The following PCDH12 variants were observed in gnomAD, a reference collection of about 807,000 sequenced individuals.
The protein encoded by PCDH12 is protocadherin 12, also known as protocadherin-12.
PCDH12 carries 45 observed loss-of-function variants against 70.9 expected under a neutral mutation model. That is an observed-to-expected ratio of 0.63 (90% CI 0.50 to 0.81). PCDH12 has a LOEUF of 0.81. PCDH12 is among the 40% of genes least tolerant of loss of function. The pLI, the probability that PCDH12 is intolerant of heterozygous loss-of-function variation, is 0.00. For missense variants in PCDH12, 1,370 were observed against 1,491.7 expected, an observed-to-expected ratio of 0.92 and a Z score of 1.34; for synonymous variants, 567 against 626.0, an observed-to-expected ratio of 0.91 and a Z score of 1.41.
intron 1 of PCDH12, among the ~76,000 whole-genome samples, chr5:141,953,532 C>T (rs908561240): frequency 1.3e-5 from 2 of 152,210 alleles, no homozygotes; most frequent in Non-Finnish European, 2.9e-5. Context: ...ACTCTATGTG[C>T]TGCTGGAAAG....
chr5:141,956,414 T>C lies in PCDH12; in HGVS notation c.1438A>G (p.Ile480Val). The C allele has an allele frequency of 8.1e-6, 13 of 1,614,226 alleles. No individual in the cohort carries two copies. Among genetic ancestry groups the C allele is most frequent in the Non-Finnish European group, 9.3e-6 (11 of 1,180,046 alleles). Residue 480 changes from isoleucine (I) to valine (V), a missense_variant, in exon 1 of 4, where the codon ATT becomes GTT. Transcript: ENST00000231484. ...TCTGCATCATGAGCCTTGATGGTAA[T>C]GAGGTGAAGAGAGGGTAAGTTGTTT... ...RENNLPSLHL[I>V]TIKAHDADLG... is the part of the protein sequence containing the mutation.
chr5:141,952,724 T>C (rs1753109336), intron 1 of PCDH12: 1 of 152,336 alleles, frequency 6.6e-6, no homozygotes, highest in East Asian at 1.9e-4. Flanking sequence ...TCATCTCTAA[T>C]AGGGGGCTAG....
Position 141,955,343 on chromosome 5 carries a change from C to T in PCDH12, c.2509G>A (p.Glu837Lys), listed in dbSNP as rs1314478063. The change falls in exon 1 of 4, where the codon GAG becomes AAG. Residue 837 changes from glutamate (E) to lysine (K), a missense_variant. Glu to Lys is a moderately conservative substitution (Grantham distance 56). Transcript: ENST00000231484. This position sits in a 1 kb window ranked among gnomAD's most constrained non-coding sequence, Gnocchi z 5.5. The stretch of plus-strand genomic sequence containing the variant: ...GTGTCTTGCAGCACCTCTCGGCTCT[C>T]CGCCGGTGCTCCCTGGTTGCCTTGA... The part of the protein sequence containing the change: ...RNQGNQGAPA[E>K]SREVLQDTVN... 5 of 1,614,178 alleles carry T rather than the reference C, an allele frequency of 3.1e-6. No individual in the cohort carries two copies. The highest frequency in any genetic ancestry group is 4.2e-6 in the Non-Finnish European group (5 of 1,180,028).
intron 2 of PCDH12, among the ~76,000 whole-genome samples, chr5:141,949,859 A>T (rs1243405857): frequency 1.3e-5 from 2 of 152,220 alleles, no homozygotes; most frequent in Admixed American, 6.5e-5. Flanking sequence ...AGAGCCTGGC[A>T]CATTGTAAGC....
intron 3 of PCDH12, 145 bp from the exon 4 acceptor site, chr5:141,945,950 A>C: frequency 1.4e-6 from 1 of 736,050 alleles, no homozygotes. Context: ...AGACGGGGAC[A>C]GGAAGGAAGA....
intron 1 of PCDH12, 59 bp downstream of exon 1, chr5:141,954,913 G>T: frequency 6.5e-7 from 1 of 1,546,984 alleles, no homozygotes; most frequent in Non-Finnish European, 8.7e-7. Context: ...GGGGGTGTCT[G>T]ATTCTGTTTC....
Position 141,957,458 on chromosome 5 carries a change from G to A in PCDH12, c.394C>T (p.Gln132Ter). The A allele has an allele frequency of 1.2e-6, 2 of 1,612,592 alleles. No individual in the cohort carries two copies. The highest frequency in any genetic ancestry group is 8.5e-7 in the Non-Finnish European group (1 of 1,179,224). Residue 132 changes from glutamine (Q) to a stop codon, truncating the protein, a stop_gained, in exon 1 of 4, where the codon CAG (glutamine) becomes TAG (stop). Coordinates refer to ENST00000231484, the MANE Select transcript of PCDH12 (RefSeq NM_016580.4). LOFTEE classifies it high-confidence loss of function. This position sits in a 1 kb window ranked among gnomAD's most constrained non-coding sequence, Gnocchi z 4.3. ...EIQVLDINDH[Q>*]PRFPKGEQEL... ...TGCTCGCCTTTGGGAAACCGTGGCT[G>A]GTGGTCATTGATGTCCAGCACTTGG...
chr5:141,955,139 C>T lies in PCDH12; in HGVS notation c.2713G>A (p.Ala905Thr), dbSNP rs147558478. 36 of 1,614,124 alleles carry T rather than the reference C, an allele frequency of 2.2e-5. No homozygotes were observed. The highest frequency in any genetic ancestry group is 3.0e-5 in the Non-Finnish European group (35 of 1,180,054). The stretch of plus-strand genomic sequence containing the variant: ...TGCCGTCTCAGGGTTGCAGAGGAGG[C>T]TGGTGGCCTCTGTGGGGCTTCCTCA... ...GSEEAPQRPP[A>T]SSATLRRQRH... Residue 905 changes from alanine (A) to threonine (T), a missense_variant, in exon 1 of 4, where the codon GCC becomes ACC. Transcript: ENST00000231484. The surrounding 1 kb of genome is among the most constrained non-coding windows in gnomAD (Gnocchi z 5.5).
rs774340463 is a variant in PCDH12 at position 141,957,747 on chromosome 5, T to G, written c.105A>C (p.Gln35His). Residue 35 changes from glutamine to histidine, a missense_variant, in exon 1 of 4, where the codon CAA becomes CAC. By Grantham distance (24) the Gln-to-His change is conservative. Transcript: ENST00000231484. The surrounding 1 kb of genome is among the most constrained non-coding windows in gnomAD (Gnocchi z 4.3). ...TACCAGATGGCACTTCCTCTGACAC[T>G]TGGTATTTCACCGTGAGAGTGGTCA... ...QEVTTLTVKYQVSEEVPSGTV... is the reference protein window; with the variant it reads ...QEVTTLTVKYHVSEEVPSGTV... 1.9e-6 allele frequency: 3 copies of G among 1,613,174 alleles called. No individual in the cohort carries two copies. The highest frequency in any genetic ancestry group is 2.5e-6 in the Non-Finnish European group (3 of 1,180,020).
In PCDH12 at chr5:141,949,589, A is replaced by G; in HGVS notation, c.2979-6T>C. 2 of 1,612,692 alleles carry G rather than the reference A, an allele frequency of 1.2e-6. No individual in the cohort carries two copies. The highest frequency in any genetic ancestry group is 8.5e-7 in the Non-Finnish European group (1 of 1,179,478). On this transcript the variant is annotated splice_region_variant and splice_polypyrimidine_tract_variant and intron_variant, in intron 2 of 3. Transcript: ENST00000231484. Reference sequence around the variant, plus strand: ...CTGTGTCTGGGATTGCACTCCTGCAAAAGAAACCAACCAGTCCATGGGTAG... The same window carrying G: ...CTGTGTCTGGGATTGCACTCCTGCAGAAGAAACCAACCAGTCCATGGGTAG...
In PCDH12 at chr5:141,951,552, T is replaced by C. The variant is rs1753082440; in HGVS notation, c.2919A>G (p.Gln973=). The change falls in exon 2 of 4, where the codon CAA becomes CAG. Residue 973 remains glutamine, a synonymous_variant. Coordinates refer to ENST00000231484, the MANE Select transcript of PCDH12 (RefSeq NM_016580.4). The stretch of plus-strand genomic sequence containing the variant: ...CTCGGTGGTTTGGTTTGGGCTGGAA[T>C]TGGCCCTGATGCAGCAAGGACAGCA... The part of the protein sequence containing the change: ...SQLLSLLHQG[Q]FQPKPNHRGN... 3 of 1,614,126 alleles carry C rather than the reference T, an allele frequency of 1.9e-6. No homozygotes were observed. Among genetic ancestry groups the C allele is most frequent in the South Asian group, 1.1e-5 (1 of 91,072 alleles).
Position 141,956,401 on chromosome 5 carries a change from GC to G in PCDH12, c.1450del (p.Ala484LeufsTer24). On this transcript the variant is annotated frameshift_variant, in exon 1 of 4. Transcript: ENST00000231484. LOFTEE classifies it high-confidence loss of function. ...LPSLHLITIK[A>X]HDADLGINGK... ...ATTAATGCCCAAGTCTGCATCATGAGCCTTGATGGTAATGAGGTGAAGAGAG... is the reference window on the plus strand; with the variant it reads ...ATTAATGCCCAAGTCTGCATCATGAGCTTGATGGTAATGAGGTGAAGAGAG... 2 of 1,614,256 alleles carry G rather than the reference GC, an allele frequency of 1.2e-6. No individual in the cohort carries two copies. Among genetic ancestry groups the G allele is most frequent in the Non-Finnish European group, 1.7e-6 (2 of 1,180,048 alleles).
chr5:141,951,403 T>C, intron 2 of PCDH12, 90 bp downstream of exon 2: 1 of 961,766 alleles, frequency 1.0e-6, no homozygotes, highest in Non-Finnish European at 1.7e-6. Context: ...GTCTGACTTG[T>C]GCTCACCCTT....
rs913204440 is a variant in PCDH12 at position 141,958,018 on chromosome 5, A to G, written c.-167T>C. The G allele has an allele frequency of 4.1e-6, 3 of 736,624 alleles. No homozygotes were observed. The African/African-American group carries it at 5.3e-5, about 13-fold the overall frequency. 45.6% of individuals were successfully genotyped at this position (736,624 alleles called of 1,614,324 possible). A position where few individuals can be genotyped will look rare whatever the true frequency, so the allele number is the denominator to read the frequency against. On this transcript the variant is annotated 5_prime_UTR_variant, in exon 1 of 4. Transcript: ENST00000231484. ...ATGATTATGAAACAAGCAGGACCCC[A>G]AGGCAAGGCCATCTTCATTGGAAGC...
rs767567681 is a variant in PCDH12, at chr5:141,955,225, C to T, written c.2627G>A (p.Arg876His). ...PEPQPATGQP[R>H]SRPLKVAGSP... is the part of the protein sequence containing the mutation. ...GCCTGCAACCTTCAGAGGCCTGGAA[C>T]GTGGCTGGCCTGTGGCAGGCTGGGG... The change falls in exon 1 of 4, where the codon CGT becomes CAT. Residue 876 changes from arginine to histidine, a missense_variant. Physicochemically the swap from Arg to His is conservative, Grantham distance 29. Coordinates refer to ENST00000231484, the MANE Select transcript of PCDH12 (RefSeq NM_016580.4). This position sits in a 1 kb window ranked among gnomAD's most constrained non-coding sequence, Gnocchi z 5.5. 4.2e-5 allele frequency: 68 copies of T among 1,614,108 alleles called. No individual in the cohort carries two copies. The highest frequency in any genetic ancestry group is 5.6e-5 in the Non-Finnish European group (66 of 1,180,050).
At chr5:141,949,049 CA>C (rs5871796) in intron 3 of PCDH12, among the ~76,000 whole-genome samples, 85,148 of 140,726 alleles carry the variant, frequency 0.61, 26,137 homozygotes, top group East Asian at 0.81. Context: ...CCTGTCCCTA[CA>C]AAAAAAAAAA....
chr5:141,944,693 A>C lies in PCDH12; in HGVS notation c.*688T>G, dbSNP rs1031792822. 1 of 152,246 alleles carries C rather than the reference A, an allele frequency of 6.6e-6. No homozygotes were observed. The highest frequency in any genetic ancestry group is 2.4e-5 in the African/African-American group (1 of 41,456). The allele number at this position is 152,246 out of a possible 1,614,324, so 9.4% of individuals were successfully genotyped here. On this transcript the variant is annotated 3_prime_UTR_variant, in exon 4 of 4. Coordinates refer to ENST00000231484, the MANE Select transcript of PCDH12 (RefSeq NM_016580.4). ...AAAATCAAATTAAATCCTATTGTAA[A>C]GCCTGGTGCCTGGCTCATGTAAATG...
rs1173448557 is a variant in PCDH12, at chr5:141,956,055, G to A, written c.1797C>T (p.Gly599=). The A allele has an allele frequency of 6.2e-7, 1 of 1,614,122 alleles. No homozygotes were observed. Among genetic ancestry groups the A allele is most frequent in the Non-Finnish European group, 8.5e-7 (1 of 1,180,028 alleles). ...GTGGAGGTGTGTCAGTGCCCGCTGG[G>A]CCCAAGCCATTGGGAGTCTCGATGG... ...LVPIETPNGL[G]PAGTDTPPLA... Residue 599 remains glycine (G), a synonymous_variant, in exon 1 of 4, where the codon GGC becomes GGT. Coordinates refer to ENST00000231484, the MANE Select transcript of PCDH12 (RefSeq NM_016580.4).
rs774266314 is a variant in PCDH12 at position 141,945,433 on chromosome 5, G to A, written c.3503C>T (p.Thr1168Met). Residue 1168 changes from threonine (T) to methionine (M), a missense_variant, in exon 4 of 4, where the codon ACG becomes ATG. Transcript: ENST00000231484. Reference protein sequence around the residue: ...MKVQGDPGGKTGTEGKSRGSS... With the variant: ...MKVQGDPGGKMGTEGKSRGSS... ...GCCTCTGCTCTTGCCCTCAGTCCCC[G>A]TCTTTCCACCTGGGTCCCCTTGCAC... The A allele has an allele frequency of 3.8e-5, 61 of 1,604,604 alleles. No individual in the cohort carries two copies. Among genetic ancestry groups the A allele is most frequent in the Admixed American group, 1.5e-4 (9 of 59,610 alleles).
Sources: gnomAD v4.1 joint callset for allele counts (sites outside exome capture counted in the v4.1 genomes callset) on GRCh38, gnomAD v4.1.1 for gene constraint, Gnocchi (gnomAD v3.1) non-coding constraint, MANE v1.5 for transcripts, NCBI Gene and HGNC (gene_info 2026-07-23, HGNC 2026-07-21) for gene names.